Variants in MMP26 observed in about 807,000 individuals in gnomAD.
MMP26 encodes matrix metalloproteinase-26.
A neutral mutation model predicts 31.0 loss-of-function variants in MMP26; 33 were observed. That is an observed-to-expected ratio of 1.06 (90% CI 0.81 to 1.42). The LOEUF (loss-of-function observed/expected upper bound fraction) is 1.42, where lower values mean the gene tolerates loss of function less well. Ranked by LOEUF, MMP26 falls within the 40% of genes most tolerant of loss-of-function variation. The pLI is 0.00. For missense variants in MMP26, 347 were observed against 316.1 expected (o/e 1.10, Z -0.74); for synonymous variants, 122 against 114.9 (o/e 1.06, Z -0.40).
chr11:4,803,366 C>T, intron 2 of MMP26: 5 of 1,105,322 alleles, frequency 4.5e-6, no homozygotes, highest in Non-Finnish European at 6.6e-6. Flanking sequence ...AATAGCCTGT[C>T]AAATGTTCAT....
intron 2 of MMP26, among the ~76,000 whole-genome samples, chr11:4,932,091 G>A (rs548171597): frequency 7.4e-4 from 112 of 152,222 alleles, no homozygotes; most frequent in Non-Finnish European, 8.2e-4. Flanking sequence ...ACTCCCGATA[G>A]AGTTGTTCCA....
intron 2 of MMP26, among the ~76,000 whole-genome samples, chr11:4,976,849 TG>T (rs1352555361): frequency 2.0e-5 from 3 of 152,068 alleles, no homozygotes; most frequent in Non-Finnish European, 2.9e-5. Context: ...CTCTTTCGCC[TG>T]CAGTTATAGG....
At chr11:4,858,473 C>T (rs1850091033) in intron 2 of MMP26, among the ~76,000 whole-genome samples, 1 of 152,170 alleles carries the variant, frequency 6.6e-6, no homozygotes, top group East Asian at 1.9e-4. Context: ...CCATTCACAA[C>T]TGCTTCAAAG....
At chr11:4,720,698 T>C (rs1019841432) in intron 1 of MMP26, among the ~76,000 whole-genome samples, 9 of 152,168 alleles carry the variant, frequency 5.9e-5, no homozygotes, top group Admixed American at 5.2e-4. Context: ...TATTCTGACC[T>C]ATAATGAGAG....
At chr11:4,923,756 A>G (rs12796015) in intron 2 of MMP26, 184,356 of 1,613,958 alleles carry the variant, frequency 0.11, 11,722 homozygotes, top group Middle Eastern at 0.14. Context: ...GTGATTGACA[A>G]TGATGCTAGA....
In MMP26 at chr11:4,807,431, G is replaced by T. The variant is rs564902043; in HGVS notation, c.-145+40090G>T. ...GCACATATACCCCATGGAATACTAT[G>T]CAGGCATAAAAAAGGATGAATTCAT... On this transcript the variant is annotated intron_variant, in intron 2 of 7. Coordinates refer to ENST00000380390, the MANE Select transcript of MMP26 (RefSeq NM_021801.5). 1.6e-4 allele frequency among the ~76,000 whole-genome samples: 24 copies of T among 152,326 alleles called. No individual in the cohort carries two copies. The South Asian group carries it at 5.0e-3, about 32-fold the overall frequency.
At chr11:4,915,607 C>T (rs1471525001) in intron 2 of MMP26, 1 of 1,613,938 alleles carries the variant, frequency 6.2e-7, no homozygotes, top group African/African-American at 1.3e-5. Context: ...GGATGCCACT[C>T]AGCAGGAAGG....
chr11:4,743,744 A>C (rs73390880), intron 1 of MMP26, among the ~76,000 whole-genome samples: 1 of 152,158 alleles, frequency 6.6e-6, no homozygotes, highest in Admixed American at 6.5e-5. Flanking sequence ...CTGCTTAAAT[A>C]ATCACATTAT....
chr11:4,922,260 C>T (rs1035697054), intron 2 of MMP26, among the ~76,000 whole-genome samples: 1 of 152,074 alleles, frequency 6.6e-6, no homozygotes, highest in Non-Finnish European at 1.5e-5. Context: ...TTATGTTTTC[C>T]TTCTGGTGAC....
chr11:4,926,594 G>C (rs1212892952), intron 2 of MMP26, among the ~76,000 whole-genome samples: 2 of 152,122 alleles, frequency 1.3e-5, no homozygotes, highest in Non-Finnish European at 2.9e-5. Context: ...GAAACCTTTG[G>C]AGGTCATCTA....
rs55678976 is a variant in MMP26, at chr11:4,901,149, C to CTTTTT, written c.-144-86896_-144-86892dup. On this transcript the variant is annotated intron_variant, in intron 2 of 7. Coordinates refer to ENST00000380390, the MANE Select transcript of MMP26 (RefSeq NM_021801.5). ...GTGGACTTCGCATCACCTCTTTGTGCTTTTTTTTTTTTTTTTTTTTTTTTT... is the reference window on the plus strand; with the variant it reads ...GTGGACTTCGCATCACCTCTTTGTGCTTTTTTTTTTTTTTTTTTTTTTTTTTTTTT... Among the ~76,000 whole-genome samples, 181 of 84,504 alleles carry CTTTTT rather than the reference C, an allele frequency of 2.1e-3. 26 individuals are homozygous for CTTTTT. The highest frequency in any genetic ancestry group is 6.9e-3 in the African/African-American group (145 of 20,900). 55.4% of individuals were successfully genotyped at this position (84,504 alleles called of 152,430 possible). A position where few individuals can be genotyped will look rare whatever the true frequency, so the allele number is the denominator to read the frequency against.
intron 2 of MMP26, among the ~76,000 whole-genome samples, chr11:4,857,406 T>C (rs10836823): frequency 1 from 152,077 of 152,078 alleles, 76,038 homozygotes; most frequent in Non-Finnish European, 1. Context: ...ACCACCAATC[T>C]CACAGAGATA....
intron 4 of MMP26, among the ~76,000 whole-genome samples, chr11:4,990,145 T>C (rs949675475): frequency 2.6e-5 from 4 of 152,178 alleles, no homozygotes; most frequent in Non-Finnish European, 5.9e-5. Flanking sequence ...GGTTCTAAGG[T>C]ACAATTTTGA....
chr11:4,982,100 C>T (rs1480821424), intron 2 of MMP26, among the ~76,000 whole-genome samples: 2 of 151,528 alleles, frequency 1.3e-5, no homozygotes, highest in African/African-American at 2.4e-5. Flanking sequence ...TACATACATA[C>T]ATATATACAA....
intron 2 of MMP26, among the ~76,000 whole-genome samples, chr11:4,836,069 A>G (rs1849715605): frequency 6.6e-6 from 1 of 152,100 alleles, no homozygotes; most frequent in Non-Finnish European, 1.5e-5. Context: ...ACACTCTTGC[A>G]TGTGAAAACT....
rs375342883 is a variant in MMP26, at chr11:4,881,897, A to G, written c.-144-106171A>G. The G allele has an allele frequency of 7.3e-5, 118 of 1,609,994 alleles. No individual in the cohort carries two copies. In the Admixed American group the frequency reaches 9.7e-4, roughly 13 times the overall value. On this transcript the variant is annotated intron_variant, in intron 2 of 7. Transcript: ENST00000380390. ...CCTCATAGTTCAGTGTCTTCAACCA[A>G]CCATGGCAATATTCAATAACACCAC... is the stretch of plus-strand genomic sequence containing the variant.
chr11:4,811,531 T>C (rs1384862596), intron 2 of MMP26, among the ~76,000 whole-genome samples: 1 of 152,230 alleles, frequency 6.6e-6, no homozygotes, highest in Non-Finnish European at 1.5e-5. Context: ...TGCTGCAAAA[T>C]ACATGATTTC....
At chr11:4,915,413 G>A (rs867451445) in intron 2 of MMP26, 2 of 1,613,964 alleles carry the variant, frequency 1.2e-6, no homozygotes, top group East Asian at 4.5e-5. Flanking sequence ...CAGGACTGTA[G>A]GGAGAGTGCA....
intron 2 of MMP26, among the ~76,000 whole-genome samples, chr11:4,878,652 TAATA>T (rs1290737946): frequency 6.6e-6 from 1 of 152,142 alleles, no homozygotes; most frequent in Admixed American, 6.5e-5. Context: ...TGGTGACACT[TAATA>T]TATATTTTTG....
Sources: allele counts gnomAD v4.1 joint callset (sites outside exome capture counted in the v4.1 genomes callset), GRCh38; gene constraint gnomAD v4.1.1; transcripts MANE v1.5; gene names NCBI Gene and HGNC (gene_info 2026-07-23, HGNC 2026-07-21).